The following CD247 variants were observed in gnomAD, a reference collection of about 807,000 sequenced individuals.
CD247 encodes CD247 molecule, also known as T-cell surface glycoprotein CD3 zeta chain.
A neutral mutation model predicts 30.0 loss-of-function variants in CD247; 13 were observed. The observed-to-expected ratio is 0.43, with a 90% confidence interval of 0.28 to 0.69. CD247 has a LOEUF of 0.69. Among genes scored for constraint, CD247 ranks in the 30% least tolerant of loss-of-function variants. CD247 has a pLI of 0.16. For missense variants in CD247, 193 were observed against 212.6 expected (o/e 0.91, Z 0.57); for synonymous variants, 72 against 80.0 (o/e 0.90, Z 0.53).
chr1:167,441,742 G>A (rs939928703), intron 1 of CD247, among the ~76,000 whole-genome samples: 9 of 152,230 alleles, frequency 5.9e-5, no homozygotes, highest in Admixed American at 5.9e-4. Context: ...GTTAATGCAC[G>A]TTTAGTTGGC....
At chr1:167,481,301 A>G (rs74346499) in intron 1 of CD247, among the ~76,000 whole-genome samples, 4,435 of 152,348 alleles carry the variant, frequency 0.029, 97 homozygotes, top group South Asian at 0.094. Flanking sequence ...ACAAACAAAC[A>G]AAAAGAGGCA....
At chr1:167,436,747 T>C (rs776357205) in intron 4 of CD247, among the ~76,000 whole-genome samples, 2 of 152,032 alleles carry the variant, frequency 1.3e-5, no homozygotes, top group Non-Finnish European at 2.9e-5. Flanking sequence ...TCACTAACCA[T>C]TAGGGAGATA....
At chr1:167,510,284 C>T (rs1655331818) in intron 1 of CD247, among the ~76,000 whole-genome samples, 2 of 152,250 alleles carry the variant, frequency 1.3e-5, no homozygotes, top group Non-Finnish European at 2.9e-5. Context: ...CACACCAACA[C>T]ATGCACACCT....
At chr1:167,500,622 A>C (rs1365273457) in intron 1 of CD247, among the ~76,000 whole-genome samples, 1 of 152,202 alleles carries the variant, frequency 6.6e-6, no homozygotes, top group Non-Finnish European at 1.5e-5. Context: ...GCAGGGCAGA[A>C]TTATTTTGAG....
intron 1 of CD247, among the ~76,000 whole-genome samples, chr1:167,478,994 A>ATAT (rs1653862468): frequency 6.6e-6 from 1 of 152,254 alleles, no homozygotes. Flanking sequence ...AGATAAGCAT[A>ATAT]TATTACTTCA....
At position 167,514,089 on chromosome 1, in the gene CD247, C is replaced by T. The variant is rs373695325; in HGVS notation, c.58+4319G>A. ...TAATCGTATGAAAACATCTAGATTT[C>T]CTTCATTCACTCACCTTTTAATTCA... On this transcript the variant is annotated intron_variant, in intron 1 of 7. Coordinates refer to ENST00000362089, the MANE Select transcript of CD247 (RefSeq NM_198053.3). Among the ~76,000 whole-genome samples, 25 of 152,250 alleles carry T rather than the reference C, an allele frequency of 1.6e-4. No individual in the cohort carries two copies. The East Asian group carries it at 2.1e-3, about 13-fold the overall frequency.
In CD247 at chr1:167,433,882, G is replaced by T; in HGVS notation, c.393+138C>A. The T allele has an allele frequency of 4.9e-6, 4 of 818,048 alleles. No individual in the cohort carries two copies. In the South Asian group the frequency reaches 5.4e-5, roughly 11 times the overall value. The allele number at this position is 818,048 out of a possible 1,614,324, so 50.7% of individuals were successfully genotyped here. A position where few individuals can be genotyped will look rare whatever the true frequency, so the allele number is the denominator to read the frequency against. On this transcript the variant is annotated intron_variant, in intron 6 of 7. Transcript: ENST00000362089. The stretch of plus-strand genomic sequence containing the variant: ...TTCTGCCCGGCTGGGTGACAGCCAG[G>T]TTCGCCTTCACCTCTGATGGCCACC...
intron 1 of CD247, among the ~76,000 whole-genome samples, chr1:167,460,923 GA>G (rs1417201659): frequency 4.6e-5 from 7 of 152,254 alleles, no homozygotes; most frequent in African/African-American, 1.7e-4. Context: ...CAGGCAGCCA[GA>G]ATGAAGCCCA....
intron 1 of CD247, among the ~76,000 whole-genome samples, chr1:167,444,172 A>T (rs1571519783): frequency 6.6e-6 from 1 of 152,212 alleles, no homozygotes; most frequent in African/African-American, 2.4e-5. Context: ...ATCAAAAGAC[A>T]ATGATGTCTG....
chr1:167,469,360 G>T lies in CD247; in HGVS notation c.59-28593C>A, dbSNP rs114579979. 2.5e-3 allele frequency among the ~76,000 whole-genome samples: 386 copies of T among 152,318 alleles called. 1 individual carries two copies. The highest frequency in any genetic ancestry group is 8.9e-3 in the African/African-American group (372 of 41,566). Reference sequence around the variant, plus strand: ...CATGGGCCCACAGAGCTAAGGAGTTGTCTTGGAAGATGGAGACGTATTTGA... The same window carrying T: ...CATGGGCCCACAGAGCTAAGGAGTTTTCTTGGAAGATGGAGACGTATTTGA... On this transcript the variant is annotated intron_variant, in intron 1 of 7. Coordinates refer to ENST00000362089, the MANE Select transcript of CD247 (RefSeq NM_198053.3).
rs185623842 is a variant in CD247 at position 167,496,680 on chromosome 1, G to A, written c.58+21728C>T. Among the ~76,000 whole-genome samples the A allele has an allele frequency of 8.7e-3, 1,332 of 152,322 alleles. 16 individuals carry two copies. The highest frequency in any genetic ancestry group is 0.02 in the South Asian group (95 of 4,828). On this transcript the variant is annotated intron_variant, in intron 1 of 7. Transcript: ENST00000362089. ...CCTCCTGCATGGGGCTGAGAAGTGG[G>A]TAAGGGTTGGGAGGGAGAAGGGACA...
At chr1:167,498,653 T>A (rs1166479583) in intron 1 of CD247, among the ~76,000 whole-genome samples, 3 of 152,198 alleles carry the variant, frequency 2.0e-5, no homozygotes, top group Non-Finnish European at 1.5e-5. Flanking sequence ...AGGTAGGTAA[T>A]CTTCATTTTA....
intron 1 of CD247, among the ~76,000 whole-genome samples, chr1:167,505,778 T>C (rs895255878): frequency 8.5e-5 from 13 of 152,230 alleles, no homozygotes; most frequent in Non-Finnish European, 1.3e-4. Flanking sequence ...GATGATCCAA[T>C]GCCTTTTTGT....
intron 1 of CD247, among the ~76,000 whole-genome samples, chr1:167,502,115 G>A (rs1019487351): frequency 2.0e-5 from 3 of 152,234 alleles, no homozygotes; most frequent in Admixed American, 6.5e-5. Context: ...ATCTCAGCAG[G>A]TGCTTGACAG....
At chr1:167,495,141 T>C (rs1654630400) in intron 1 of CD247, among the ~76,000 whole-genome samples, 1 of 152,242 alleles carries the variant, frequency 6.6e-6, no homozygotes, top group Non-Finnish European at 1.5e-5. Flanking sequence ...GCATTGTGGT[T>C]AGTATTGCAG....
rs1355003598 is a variant in CD247, at chr1:167,431,286, GAC to G, written c.*393_*394del. 2 of 548,732 alleles carry G rather than the reference GAC, an allele frequency of 3.6e-6. No individual in the cohort carries two copies. Among genetic ancestry groups the G allele is most frequent in the African/African-American group, 1.9e-5 (1 of 53,380 alleles). The allele number at this position is 548,732 out of a possible 1,614,324, so 34.0% of individuals were successfully genotyped here. ...TTTACAGCAGGAGTGAAGCCACTCA[GAC>G]ACAGAGTGATACAGACATTAGGGCA... On this transcript the variant is annotated 3_prime_UTR_variant, in exon 8 of 8. Transcript: ENST00000362089.
rs377519732 is a variant in CD247, at chr1:167,469,180, A to G, written c.59-28413T>C. 2.0e-3 allele frequency among the ~76,000 whole-genome samples: 312 copies of G among 152,198 alleles called. 1 individual carries two copies. Among genetic ancestry groups the G allele is most frequent in the African/African-American group, 7.1e-3 (294 of 41,518 alleles). On this transcript the variant is annotated intron_variant, in intron 1 of 7. Coordinates refer to ENST00000362089, the MANE Select transcript of CD247 (RefSeq NM_198053.3). ...GTATTTTTAGTAGAGACAGGGTTTC[A>G]CCATGTTGGCCAGGCTGGTCTTGAA...
intron 2 of CD247, chr1:167,439,916 A>G (rs1026562643): frequency 5.8e-6 from 1 of 171,466 alleles, no homozygotes; most frequent in Non-Finnish European, 1.3e-5. Flanking sequence ...TGTCCTGAGC[A>G]TCTGTGGGAA....
chr1:167,471,198 C>T (rs1653508844), intron 1 of CD247, among the ~76,000 whole-genome samples: 1 of 152,222 alleles, frequency 6.6e-6, no homozygotes, highest in Non-Finnish European at 1.5e-5. Flanking sequence ...TAAATTAAGA[C>T]ACATGGAAAC....
Sources: allele counts gnomAD v4.1 joint callset (sites outside exome capture counted in the v4.1 genomes callset), GRCh38; gene constraint gnomAD v4.1.1; transcripts MANE v1.5; gene names NCBI Gene and HGNC (gene_info 2026-07-23, HGNC 2026-07-21).